ST3GAL1: variants seen among roughly 807,000 people sequenced by gnomAD.
ST3GAL1 encodes ST3 beta-galactoside alpha-2,3-sialyltransferase 1.
In ST3GAL1, 16 loss-of-function variants were observed where a neutral mutation model predicts 34.1. That is an observed-to-expected ratio of 0.47 (90% CI 0.32 to 0.71). ST3GAL1 has a LOEUF of 0.71. ST3GAL1 is among the 30% of genes least tolerant of loss of function. The probability of loss-of-function intolerance (pLI) is 0.04; values close to 1 mark genes in which losing one functional copy is unlikely to be tolerated. For synonymous variants in ST3GAL1, 191 were observed against 184.7 expected (o/e 1.03, Z -0.28); for missense variants, 353 against 447.4 (o/e 0.79, Z 1.90).
At chr8:133,558,027 T>C (rs1175658555) in intron 1 of ST3GAL1, among the ~76,000 whole-genome samples, 1 of 152,092 alleles carries the variant, frequency 6.6e-6, no homozygotes, top group Non-Finnish European at 1.5e-5. Context: ...CCCAGACAAC[T>C]TTCCCATCCT....
chr8:133,519,432 G>A (rs1817735547), intron 2 of ST3GAL1, among the ~76,000 whole-genome samples: 1 of 152,178 alleles, frequency 6.6e-6, no homozygotes, highest in African/African-American at 2.4e-5. Context: ...AAATACTAGA[G>A]CTGTGCAAGC....
chr8:133,500,952 C>A (rs914278372), intron 2 of ST3GAL1, among the ~76,000 whole-genome samples: 3 of 152,162 alleles, frequency 2.0e-5, no homozygotes, highest in African/African-American at 7.2e-5. Context: ...GCTGGGAGGG[C>A]ACCAAGAACT....
At chr8:133,465,728 G>T in intron 6 of ST3GAL1, 166 bp downstream of exon 6, 1 of 651,296 alleles carries the variant, frequency 1.5e-6, no homozygotes, top group Non-Finnish European at 2.6e-6. Flanking sequence ...ATGCAGAGAT[G>T]GGGAAGCTGA....
At chr8:133,562,369 C>A (rs1819252113) in intron 1 of ST3GAL1, among the ~76,000 whole-genome samples, 3 of 151,948 alleles carry the variant, frequency 2.0e-5, no homozygotes, top group South Asian at 4.1e-4. Flanking sequence ...ACCATCATGT[C>A]CAGATAATTT....
At chr8:133,547,284 T>C (rs938109368) in intron 1 of ST3GAL1, among the ~76,000 whole-genome samples, 2 of 152,112 alleles carry the variant, frequency 1.3e-5, no homozygotes, top group Non-Finnish European at 2.9e-5. Context: ...ATTCTTTTTT[T>C]TTTTGAGATG....
At chr8:133,460,621 G>A (rs1328514598) in intron 9 of ST3GAL1, among the ~76,000 whole-genome samples, 3 of 152,226 alleles carry the variant, frequency 2.0e-5, no homozygotes, top group African/African-American at 4.8e-5. Context: ...TGCCAGCTGG[G>A]CAGCTGCAGG....
rs1243400532 is a variant in ST3GAL1 at position 133,541,118 on chromosome 8, T to TAGAGAGAGAGAGAGAGAGAGAG, written c.-429+4655_-429+4656insCTCTCTCTCTCTCTCTCTCTCT. 5.6e-4 allele frequency among the ~76,000 whole-genome samples: 29 copies of TAGAGAGAGAGAGAGAGAGAGAG among 52,166 alleles called. 1 individual carries two copies. The highest frequency in any genetic ancestry group is 7.5e-4 in the South Asian group (1 of 1,328). The allele number at this position is 52,166 out of a possible 152,430, so 34.2% of individuals were successfully genotyped here. ...AAACATATATATATATATATATATA[T>TAGAGAGAGAGAGAGAGAGAGAG]ATAGAGAGAGAGAGAGAGAGAGAGA... is the stretch of plus-strand genomic sequence containing the variant. On this transcript the variant is annotated intron_variant, in intron 2 of 9. Coordinates refer to ENST00000522652, the MANE Select transcript of ST3GAL1 (RefSeq NM_173344.3).
At chr8:133,560,772 T>C (rs966553957) in intron 1 of ST3GAL1, among the ~76,000 whole-genome samples, 5 of 152,176 alleles carry the variant, frequency 3.3e-5, no homozygotes, top group African/African-American at 1.2e-4. Context: ...CAGACAGAAA[T>C]GGTGCACTTA....
At position 133,459,566 on chromosome 8, in the gene ST3GAL1, T is replaced by A; in HGVS notation, c.*198A>T. ...CCCACTCAAGACAGGTTCCAAGACATGCTCTGCCACGCTGGCAGAGCTTAG... is the reference window on the plus strand; with the variant it reads ...CCCACTCAAGACAGGTTCCAAGACAAGCTCTGCCACGCTGGCAGAGCTTAG... On this transcript the variant is annotated 3_prime_UTR_variant, in exon 10 of 10. Transcript: ENST00000522652. This position sits in a 1 kb window ranked among gnomAD's most constrained non-coding sequence, Gnocchi z 4.7. 1 of 533,616 alleles carries A rather than the reference T, an allele frequency of 1.9e-6. No individual in the cohort carries two copies. Among genetic ancestry groups the A allele is most frequent in the Non-Finnish European group, 3.1e-6 (1 of 322,022 alleles). 33.1% of individuals were successfully genotyped at this position (533,616 alleles called of 1,614,324 possible). A position where few individuals can be genotyped will look rare whatever the true frequency, so the allele number is the denominator to read the frequency against.
intron 2 of ST3GAL1, among the ~76,000 whole-genome samples, chr8:133,512,139 A>G (rs1321125196): frequency 6.6e-6 from 1 of 152,182 alleles, no homozygotes; most frequent in Non-Finnish European, 1.5e-5. Flanking sequence ...CAAGTTGAAA[A>G]TCAAGGAAAC....
chr8:133,540,812 CATATATATATAGACAT>C (rs1818456904), intron 2 of ST3GAL1, among the ~76,000 whole-genome samples: 1 of 98,460 alleles, frequency 1.0e-5, no homozygotes, highest in Non-Finnish European at 2.2e-5. Context: ...TATAGAGAGA[CATATATATATAGACAT>C]ATATATAGAG....
At chr8:133,554,783 G>A (rs184933099) in intron 1 of ST3GAL1, among the ~76,000 whole-genome samples, 2 of 148,530 alleles carry the variant, frequency 1.3e-5, no homozygotes, top group East Asian at 4.0e-4. Flanking sequence ...GTGGAGTGCA[G>A]TGGCGCGATC....
At position 133,462,004 on chromosome 8, in the gene ST3GAL1, T is replaced by C. The variant is rs1332279085; in HGVS notation, c.730-10A>G. The C allele has an allele frequency of 1.2e-6, 2 of 1,613,732 alleles. No homozygotes were observed. The highest frequency in any genetic ancestry group is 1.7e-6 in the Non-Finnish European group (2 of 1,179,930). ...GGTGGTAGATCAGGATCTGCGGGGA[T>C]GGGAAGACACGGCCCTTAGTGAGTT... On this transcript the variant is annotated splice_polypyrimidine_tract_variant and intron_variant, in intron 8 of 9. Coordinates refer to ENST00000522652, the MANE Select transcript of ST3GAL1 (RefSeq NM_173344.3).
chr8:133,513,794 G>T (rs989904134), intron 2 of ST3GAL1, among the ~76,000 whole-genome samples: 1 of 152,222 alleles, frequency 6.6e-6, no homozygotes, highest in Admixed American at 6.5e-5. Context: ...AGCTACTTGG[G>T]GGGCTGAGGG....
chr8:133,515,795 T>C (rs1817628181), intron 2 of ST3GAL1: 1 of 152,214 alleles, frequency 6.6e-6, no homozygotes, highest in African/African-American at 2.4e-5. Context: ...TTGTGATAAA[T>C]CATAATTACC....
chr8:133,566,281 C>A (rs911930718), intron 1 of ST3GAL1, among the ~76,000 whole-genome samples: 1 of 152,180 alleles, frequency 6.6e-6, no homozygotes, highest in South Asian at 2.1e-4. Flanking sequence ...TGCTTCCAGG[C>A]GGATCATTCA....
chr8:133,531,814 G>GAAA lies in ST3GAL1; in HGVS notation c.-429+13957_-429+13959dup, dbSNP rs55909710. The stretch of plus-strand genomic sequence containing the variant: ...ACTTGTATCCCGAAACTTAAAAACA[G>GAAA]AAAAAAAAAAAAAAAAAAAAAAAAG... On this transcript the variant is annotated intron_variant, in intron 2 of 9. Coordinates refer to ENST00000522652, the MANE Select transcript of ST3GAL1 (RefSeq NM_173344.3). Among the ~76,000 whole-genome samples the GAAA allele has an allele frequency of 1.1e-3, 107 of 99,852 alleles. 2 individuals carry two copies. The East Asian group carries it at 0.013, about 13-fold the overall frequency. The allele number at this position is 99,852 out of a possible 152,430, so 65.5% of individuals were successfully genotyped here. A position where few individuals can be genotyped will look rare whatever the true frequency, so the allele number is the denominator to read the frequency against.
chr8:133,524,372 C>T (rs1214959269), intron 2 of ST3GAL1, among the ~76,000 whole-genome samples: 2 of 152,222 alleles, frequency 1.3e-5, no homozygotes, highest in Non-Finnish European at 2.9e-5. Flanking sequence ...AACCAGGCAA[C>T]ACTACAGCCC....
chr8:133,514,935 G>C (rs561403026), intron 2 of ST3GAL1, among the ~76,000 whole-genome samples: 1 of 151,994 alleles, frequency 6.6e-6, no homozygotes. Context: ...ATGGCCCCCC[G>C]CTCCCCCAGC....
Sources: allele counts gnomAD v4.1 joint callset (sites outside exome capture counted in the v4.1 genomes callset), GRCh38; gene constraint gnomAD v4.1.1; non-coding constraint Gnocchi (gnomAD v3.1); transcripts MANE v1.5; gene names NCBI Gene and HGNC (gene_info 2026-07-23, HGNC 2026-07-21).